Variants in ZNF592 observed in about 807,000 individuals in gnomAD.
The protein encoded by ZNF592 is zinc finger protein 592, also known as spinocerebellar ataxia, autosomal recessive 5.
Under a neutral mutation model 80.3 loss-of-function variants are expected in ZNF592, and 11 were observed. The observed-to-expected ratio is 0.14, with a 90% confidence interval of 0.09 to 0.23. The LOEUF (loss-of-function observed/expected upper bound fraction) is 0.23, where lower values mean the gene tolerates loss of function less well. ZNF592 is among the 10% of genes least tolerant of loss of function. ZNF592 has a pLI of 1.00. For missense variants in ZNF592, 1,420 were observed against 1,633.9 expected (o/e 0.87, Z 2.26); for synonymous variants, 646 against 640.3 (o/e 1.01, Z -0.13).
intron 5 of ZNF592, among the ~76,000 whole-genome samples, chr15:84,791,768 T>G (rs1200511865): frequency 6.6e-6 from 1 of 152,168 alleles, no homozygotes; most frequent in Non-Finnish European, 1.5e-5. Context: ...TAGGAGATTT[T>G]CAGACAAAAG....
chr15:84,781,943 C>G (rs920378485), intron 3 of ZNF592, among the ~76,000 whole-genome samples: 4 of 152,176 alleles, frequency 2.6e-5, no homozygotes, highest in Non-Finnish European at 4.4e-5. Context: ...AGAATTTAGG[C>G]TTCCCCCAAA....
intron 1 of ZNF592, among the ~76,000 whole-genome samples, chr15:84,763,267 T>C (rs900512132): frequency 6.6e-6 from 1 of 152,190 alleles, no homozygotes; most frequent in African/African-American, 2.4e-5. Context: ...CGTGTGTGAT[T>C]AGGGTGACCT....
intron 1 of ZNF592, among the ~76,000 whole-genome samples, chr15:84,758,755 TCCAA>T (rs1567059048): frequency 2.6e-5 from 1 of 38,506 alleles, no homozygotes. Flanking sequence ...CTACTGAAAA[TCCAA>T]AAAAAAAAAA....
rs914409313 is a variant in ZNF592, at chr15:84,804,270, A to G, written c.*1877A>G. The G allele has an allele frequency of 1.3e-5, 2 of 152,258 alleles. No individual in the cohort carries two copies. The highest frequency in any genetic ancestry group is 2.9e-5 in the Non-Finnish European group (2 of 68,058). The allele number at this position is 152,258 out of a possible 1,614,324, so 9.4% of individuals were successfully genotyped here. A position where few individuals can be genotyped will look rare whatever the true frequency, so the allele number is the denominator to read the frequency against. ...TTGTCCCATGCCTAATTCTAGTTAC[A>G]GGAAGCCATCCCTGTACCCTGGGTC... On this transcript the variant is annotated 3_prime_UTR_variant, in exon 11 of 11. Coordinates refer to ENST00000560079, the MANE Select transcript of ZNF592 (RefSeq NM_014630.3).
intron 2 of ZNF592, among the ~76,000 whole-genome samples, chr15:84,766,930 A>G (rs1296452533): frequency 6.6e-6 from 1 of 152,070 alleles, no homozygotes; most frequent in Non-Finnish European, 1.5e-5. Flanking sequence ...TCTGTGGTAG[A>G]TAAGACTGGT....
rs750639063 is a variant in ZNF592 at position 84,782,758 on chromosome 15, A to T, written c.83A>T (p.Glu28Val). The change falls in exon 4 of 11, where the codon GAG becomes GTG. Residue 28 changes from glutamate to valine, a missense_variant. By Grantham distance (121) the Glu-to-Val change is moderately radical (BLOSUM62 -2). Around this residue, in one of 7 missense-constraint regions of ZNF592, gnomAD observed 373 missense variants for 355.5 expected, o/e 1.05. Transcript: ENST00000560079. The part of the protein sequence containing the change: ...IPDPTSLDAK[E>V]AIQTPSEENE... ...GACCCCACCAGCCTTGATGCCAAGG[A>T]GGCCATCCAGACACCCAGTGAGGAG... The T allele has an allele frequency of 6.2e-7, 1 of 1,614,122 alleles. No individual in the cohort carries two copies.
intron 1 of ZNF592, among the ~76,000 whole-genome samples, chr15:84,757,353 TTTGA>T (rs1899205221): frequency 6.7e-6 from 1 of 150,266 alleles, no homozygotes. Flanking sequence ...TTTTTTTTTT[TTTGA>T]GAGATAGGGT....
chr15:84,762,274 T>C (rs533685255), intron 1 of ZNF592, among the ~76,000 whole-genome samples: 1 of 152,290 alleles, frequency 6.6e-6, no homozygotes, highest in South Asian at 2.1e-4. Context: ...AAAAGTGTTA[T>C]GGAGAAAAAT....
At position 84,802,351 on chromosome 15, in the gene ZNF592, C is replaced by T. The variant is rs202064896; in HGVS notation, c.3762C>T (p.Ala1254=). 3 of 1,613,878 alleles carry T rather than the reference C, an allele frequency of 1.9e-6. No homozygotes were observed. The highest frequency in any genetic ancestry group is 1.7e-5 in the Admixed American group (1 of 60,030). ...GGHNDHSQPQ[A]SQDQDSHTLS... The stretch of plus-strand genomic sequence containing the variant: ...ACAATGATCACAGTCAACCACAGGC[C>T]TCTCAGGACCAGGACAGCCACACAC... Residue 1254 remains alanine (A), a synonymous_variant, in exon 11 of 11, where the codon GCC becomes GCT. Transcript: ENST00000560079.
At chr15:84,759,478 C>T (rs1899278132) in intron 1 of ZNF592, among the ~76,000 whole-genome samples, 1 of 152,156 alleles carries the variant, frequency 6.6e-6, no homozygotes. Flanking sequence ...TTAGGAGAAG[C>T]TGGCCTCCTA....
intron 1 of ZNF592, among the ~76,000 whole-genome samples, chr15:84,753,960 A>T (rs1475125736): frequency 6.6e-6 from 1 of 152,152 alleles, no homozygotes; most frequent in Non-Finnish European, 1.5e-5. Flanking sequence ...AGGGTGTAGG[A>T]TGTGTTATCC....
chr15:84,768,230 C>CTTT (rs995969490), intron 2 of ZNF592, among the ~76,000 whole-genome samples: 45 of 122,338 alleles, frequency 3.7e-4, no homozygotes, highest in African/African-American at 4.9e-4. Context: ...TTCTTTCTTT[C>CTTT]TTTTTTTTTT....
chr15:84,798,403 G>T lies in ZNF592; in HGVS notation c.2665G>T (p.Val889Leu). Residue 889 changes from valine to leucine, a missense_variant, in exon 7 of 11, where the codon GTG becomes TTG. Val to Leu is a conservative substitution (Grantham distance 32, BLOSUM62 1). This residue lies in a region of ZNF592 where 331 missense variants were observed against 347.0 expected (regional missense o/e 0.95). Coordinates refer to ENST00000560079, the MANE Select transcript of ZNF592 (RefSeq NM_014630.3). This position sits in a 1 kb window ranked among gnomAD's most constrained non-coding sequence, Gnocchi z 4.5. ...TTACCAGAATGTCAGCAAGACGCAG[G>T]TGGGCGTCTTCAAGTGCCCTGAGTG... ...HFYQNVSKTQ[V>L]GVFKCPECPL... 6.2e-7 allele frequency: 1 copy of T among 1,614,204 alleles called. No homozygotes were observed. Among genetic ancestry groups the T allele is most frequent in the Non-Finnish European group, 8.5e-7 (1 of 1,180,030 alleles).
At chr15:84,791,717 A>G (rs984043215) in intron 5 of ZNF592, among the ~76,000 whole-genome samples, 5 of 152,218 alleles carry the variant, frequency 3.3e-5, no homozygotes, top group African/African-American at 1.2e-4. Flanking sequence ...GCTAAGTCCC[A>G]CAATAGAGAA....
intron 10 of ZNF592, 66 bp downstream of exon 10, chr15:84,800,043 A>G: frequency 6.2e-7 from 1 of 1,611,366 alleles, no homozygotes; most frequent in Non-Finnish European, 8.5e-7. Flanking sequence ...GAAGGGCATT[A>G]GGAAGGCTAC....
At chr15:84,773,972 C>T (rs994229320) in intron 2 of ZNF592, among the ~76,000 whole-genome samples, 1 of 152,158 alleles carries the variant, frequency 6.6e-6, no homozygotes, top group East Asian at 1.9e-4. Context: ...TCTGATAATG[C>T]CTAGCATTTT....
At chr15:84,749,843 A>G (rs2141954240) in intron 1 of ZNF592, among the ~76,000 whole-genome samples, 1 of 152,304 alleles carries the variant, frequency 6.6e-6, no homozygotes, top group South Asian at 2.1e-4. Flanking sequence ...TAGTGCGTCC[A>G]TTTTGATCAT....
chr15:84,775,240 C>T (rs1962209539), intron 2 of ZNF592, among the ~76,000 whole-genome samples: 1 of 151,970 alleles, frequency 6.6e-6, no homozygotes, highest in Non-Finnish European at 1.5e-5. Flanking sequence ...AGACTACAGA[C>T]ATCTGCCACC....
intron 2 of ZNF592, among the ~76,000 whole-genome samples, chr15:84,770,252 A>G (rs1596114044): frequency 6.6e-6 from 1 of 152,218 alleles, no homozygotes; most frequent in East Asian, 1.9e-4. Flanking sequence ...TAGACATAGT[A>G]GATCTGAGGT....
Sources: gnomAD v4.1 joint callset for allele counts (sites outside exome capture counted in the v4.1 genomes callset) on GRCh38, gnomAD v4.1.1 for gene constraint, gnomAD v4.1.1 regional missense constraint, Gnocchi (gnomAD v3.1) non-coding constraint, MANE v1.5 for transcripts, NCBI Gene and HGNC (gene_info 2026-07-23, HGNC 2026-07-21) for gene names.